KHDRBS2: variants seen among roughly 807,000 people sequenced by gnomAD.
The protein encoded by KHDRBS2 is KH domain-containing, RNA-binding, signal transduction-associated protein 2.
KHDRBS2 carries 26 observed loss-of-function variants against 44.3 expected under a neutral mutation model. That is an observed-to-expected ratio of 0.59 (90% CI 0.43 to 0.81). KHDRBS2 has a LOEUF of 0.81. KHDRBS2 is among the 40% of genes least tolerant of loss of function. The pLI, the probability that KHDRBS2 is intolerant of heterozygous loss-of-function variation, is 0.00. For synonymous variants in KHDRBS2, 194 were observed against 151.1 expected (o/e 1.28, Z -2.08); for missense variants, 476 against 433.1 (o/e 1.10, Z -0.88).
chr6:62,038,979 A>C (rs1785899858), intron 3 of KHDRBS2, among the ~76,000 whole-genome samples: 1 of 152,034 alleles, frequency 6.6e-6, no homozygotes, highest in Non-Finnish European at 1.5e-5. Context: ...TATTTAAGTA[A>C]ATTTTCTTTC....
chr6:62,069,191 G>T (rs924264680), intron 2 of KHDRBS2, among the ~76,000 whole-genome samples: 1 of 151,566 alleles, frequency 6.6e-6, no homozygotes, highest in African/African-American at 2.4e-5. Context: ...CTGTTGACTG[G>T]AAGCCTTACC....
intron 2 of KHDRBS2, among the ~76,000 whole-genome samples, chr6:62,070,333 TTC>T (rs1252628904): frequency 1.0e-5 from 1 of 96,532 alleles, no homozygotes; most frequent in African/African-American, 3.4e-5. Context: ...AAGTGTTCAC[TTC>T]TTTTTTTTTT....
At chr6:62,265,503 T>C (rs1053175472) in intron 1 of KHDRBS2, among the ~76,000 whole-genome samples, 19 of 151,942 alleles carry the variant, frequency 1.3e-4, no homozygotes, top group African/African-American at 4.3e-4. Context: ...ATTTAACACA[T>C]AAAGATGAAT....
At chr6:61,855,963 T>C (rs974832345) in intron 6 of KHDRBS2, among the ~76,000 whole-genome samples, 1 of 152,092 alleles carries the variant, frequency 6.6e-6, no homozygotes, top group Non-Finnish European at 1.5e-5. Context: ...TGCACTCAAA[T>C]CTTTGCTTTA....
chr6:61,958,095 C>T (rs1401522378), intron 4 of KHDRBS2, among the ~76,000 whole-genome samples: 2 of 152,158 alleles, frequency 1.3e-5, no homozygotes, highest in African/African-American at 4.8e-5. Flanking sequence ...GACCTAGTCT[C>T]TAATCCAGCA....
At chr6:61,544,459 C>A in the KHDRBS2 span, among the ~76,000 whole-genome samples, 3 of 151,974 alleles carry the variant, frequency 2.0e-5, no homozygotes, top group African/African-American at 7.2e-5. Flanking sequence ...TGTTCTTAGC[C>A]TCCAAGCTAA....
At chr6:62,196,487 G>A (rs1825732084) in intron 1 of KHDRBS2, among the ~76,000 whole-genome samples, 1 of 152,094 alleles carries the variant, frequency 6.6e-6, no homozygotes, top group Non-Finnish European at 1.5e-5. Flanking sequence ...TCACATTTGT[G>A]TGGGCATCCA....
intron 5 of KHDRBS2, among the ~76,000 whole-genome samples, chr6:61,897,255 T>C (rs576522538): frequency 1.3e-5 from 2 of 152,212 alleles, no homozygotes; most frequent in South Asian, 2.1e-4. Flanking sequence ...TCCCAGTGAT[T>C]CCAAAATACA....
At chr6:61,978,254 T>G (rs761418445) in intron 3 of KHDRBS2, 42 bp from the exon 4 acceptor site, 1 of 1,467,138 alleles carries the variant, frequency 6.8e-7, no homozygotes, top group Non-Finnish European at 9.4e-7. Context: ...TCCACTCATT[T>G]TACATTGATT....
chr6:61,908,288 G>C (rs1238636834), intron 4 of KHDRBS2, among the ~76,000 whole-genome samples: 1 of 152,042 alleles, frequency 6.6e-6, no homozygotes, highest in Non-Finnish European at 1.5e-5. Context: ...TGGCAATTTA[G>C]AATGAATGGA....
chr6:62,171,644 C>CAAAAT (rs61368263), intron 2 of KHDRBS2, among the ~76,000 whole-genome samples: 82,863 of 150,624 alleles, frequency 0.55, 23,420 homozygotes, highest in Non-Finnish European at 0.62. Context: ...GATTTTCAGT[C>CAAAAT]AAAATAAAAT....
intron 1 of KHDRBS2, among the ~76,000 whole-genome samples, chr6:62,229,076 G>A (rs1832429103): frequency 6.6e-6 from 1 of 152,124 alleles, no homozygotes; most frequent in African/African-American, 2.4e-5. Flanking sequence ...AATCATCTGG[G>A]CTGCCTGAAT....
intron 2 of KHDRBS2, among the ~76,000 whole-genome samples, chr6:62,063,885 T>C (rs1468379536): frequency 0.023 from 3,174 of 135,902 alleles, 42 homozygotes; most frequent in Non-Finnish European, 0.033. Context: ...AAAACCCCAT[T>C]GTCTCAGCCC....
At chr6:61,810,189 T>G (rs1186648884) in intron 6 of KHDRBS2, among the ~76,000 whole-genome samples, 3 of 151,996 alleles carry the variant, frequency 2.0e-5, no homozygotes, top group Admixed American at 6.6e-5. Flanking sequence ...GGCCTCTGTA[T>G]GGTAATATTG....
chr6:61,582,081 A>G, the KHDRBS2 span, among the ~76,000 whole-genome samples: 3 of 151,892 alleles, frequency 2.0e-5, no homozygotes, highest in East Asian at 5.8e-4. Context: ...AAAGCAAGTG[A>G]ACCCCTTTTG....
In KHDRBS2 at chr6:62,179,866, A is replaced by T. The variant is rs373992729; in HGVS notation, c.92-2554T>A. On this transcript the variant is annotated intron_variant, in intron 1 of 8. Coordinates refer to ENST00000281156, the MANE Select transcript of KHDRBS2 (RefSeq NM_152688.4). ...CAATTTTCTTCTGAAGTTTTTTGGT[A>T]TTATTTTGCCCTCCTAATACTTTCA... Among the ~76,000 whole-genome samples, 703 of 151,758 alleles carry T rather than the reference A, an allele frequency of 4.6e-3. 10 individuals are homozygous for T. Among genetic ancestry groups the T allele is most frequent in the African/African-American group, 0.016 (668 of 41,474 alleles).
rs972387383 is a variant in KHDRBS2, at chr6:61,775,708, C to T, written c.811-42944G>A. On this transcript the variant is annotated intron_variant, in intron 6 of 8. Transcript: ENST00000281156. ...GGAAGAATCAATATTGCGAAAATGG[C>T]CATACTGCCCAAGGTAATTTACAGA... is the stretch of plus-strand genomic sequence containing the variant. Among the ~76,000 whole-genome samples the T allele has an allele frequency of 1.4e-4, 22 of 152,266 alleles. No homozygotes were observed. In the East Asian group the frequency reaches 3.1e-3, roughly 21 times the overall value.
rs1562522191 is a variant in KHDRBS2 at position 61,955,684 on chromosome 6, GTA to G, written c.483+22380_483+22381del. Among the ~76,000 whole-genome samples the G allele has an allele frequency of 2.4e-4, 30 of 123,730 alleles. 1 individual carries two copies. Among genetic ancestry groups the G allele is most frequent in the Middle Eastern group, 4.4e-3 (1 of 226 alleles). 81.2% of individuals were successfully genotyped at this position (123,730 alleles called of 152,430 possible). Reference sequence around the variant, plus strand: ...TATGTGTATATGTACACATATGTATGTATACATATATGTGTATATATACACAT... The same window carrying G: ...TATGTGTATATGTACACATATGTATGTACATATATGTGTATATATACACAT... On this transcript the variant is annotated intron_variant, in intron 4 of 8. Coordinates refer to ENST00000281156, the MANE Select transcript of KHDRBS2 (RefSeq NM_152688.4).
At chr6:62,028,130 G>C (rs1231348722) in intron 3 of KHDRBS2, among the ~76,000 whole-genome samples, 1 of 152,006 alleles carries the variant, frequency 6.6e-6, no homozygotes, top group Non-Finnish European at 1.5e-5. Flanking sequence ...TTGAATTGTA[G>C]GACATCCTGC....
Sources: allele counts gnomAD v4.1 joint callset (sites outside exome capture counted in the v4.1 genomes callset), GRCh38; gene constraint gnomAD v4.1.1; transcripts MANE v1.5; gene names NCBI Gene and HGNC (gene_info 2026-07-23, HGNC 2026-07-21).